The following PPP1R7 variants were observed in gnomAD, a reference collection of about 807,000 sequenced individuals.
PPP1R7 encodes protein phosphatase 1 regulatory subunit 7, also known as protein phosphatase 1 regulatory subunit 22.
PPP1R7 carries 18 observed loss-of-function variants against 45.2 expected under a neutral mutation model. The observed-to-expected ratio is 0.40, with a 90% CI of 0.28 to 0.59. PPP1R7 has a LOEUF of 0.59. PPP1R7 is among the 20% of genes least tolerant of loss of function. The pLI, the probability that PPP1R7 is intolerant of heterozygous loss-of-function variation, is 0.46. For missense variants in PPP1R7, 314 were observed against 455.8 expected, an observed-to-expected ratio of 0.69 and a Z score of 2.83; for synonymous variants, 181 against 183.4, an observed-to-expected ratio of 0.99 and a Z score of 0.11.
intron 1 of PPP1R7, among the ~76,000 whole-genome samples, chr2:241,151,176 A>G (rs1452883864): frequency 6.6e-6 from 1 of 152,266 alleles, no homozygotes; most frequent in Admixed American, 6.5e-5. Context: ...AATTTTCTGC[A>G]TATCTGTAGG....
At chr2:241,179,681 A>T (rs920645404) in intron 9 of PPP1R7, among the ~76,000 whole-genome samples, 3 of 152,230 alleles carry the variant, frequency 2.0e-5, no homozygotes, top group African/African-American at 7.2e-5. Flanking sequence ...GCAGAACTTG[A>T]TAAGAGAAAC....
intron 2 of PPP1R7, among the ~76,000 whole-genome samples, chr2:241,157,015 C>CTGAA (rs2067475022): frequency 6.6e-6 from 1 of 152,032 alleles, no homozygotes; most frequent in South Asian, 2.1e-4. Context: ...AGCACACATG[C>CTGAA]TGAAGTAGGT....
At chr2:241,156,208 C>G (rs767470301) in intron 2 of PPP1R7, among the ~76,000 whole-genome samples, 1 of 152,150 alleles carries the variant, frequency 6.6e-6, no homozygotes, top group Admixed American at 6.5e-5. Context: ...TAGGAAGAGC[C>G]ACAGTAACAG....
intron 9 of PPP1R7, among the ~76,000 whole-genome samples, chr2:241,178,128 G>C (rs1478296378): frequency 6.6e-6 from 1 of 152,200 alleles, no homozygotes; most frequent in Non-Finnish European, 1.5e-5. Context: ...AAGGAGCGGG[G>C]GGCACAGGTA....
At chr2:241,154,426 G>A (rs1001673911) in intron 2 of PPP1R7, among the ~76,000 whole-genome samples, 8 of 152,056 alleles carry the variant, frequency 5.3e-5, no homozygotes, top group Admixed American at 1.3e-4. Context: ...AATGGCTTAC[G>A]CCTGTAATCC....
At chr2:241,178,124 CG>C (rs373587276) in intron 9 of PPP1R7, among the ~76,000 whole-genome samples, 56 of 152,308 alleles carry the variant, frequency 3.7e-4, no homozygotes, top group African/African-American at 1.3e-3. Flanking sequence ...CTGCAAGGAG[CG>C]GGGGGCACAG....
In PPP1R7 at chr2:241,163,443, A is replaced by T. The variant is rs752404003; in HGVS notation, c.714+42A>T. 6 of 1,398,738 alleles carry T rather than the reference A, an allele frequency of 4.3e-6. No homozygotes were observed. The South Asian group carries it at 7.0e-5, about 16-fold the overall frequency. The allele number at this position is 1,398,738 out of a possible 1,614,324, so 86.6% of individuals were successfully genotyped here. A position where few individuals can be genotyped will look rare whatever the true frequency, so the allele number is the denominator to read the frequency against. On this transcript the variant is annotated intron_variant, in intron 7 of 9. Transcript: ENST00000234038. ...GCCGCCCTTCCCTGCGAGCCCTGGC[A>T]GGGCCAGCGCTGCTGGACACAATCT... is the stretch of plus-strand genomic sequence containing the variant.
At chr2:241,158,631 T>C in intron 4 of PPP1R7, 82 bp downstream of exon 4, 3 of 1,389,386 alleles carry the variant, frequency 2.2e-6, no homozygotes, top group Non-Finnish European at 2.0e-6. Context: ...CAGTCCTGAG[T>C]TGTGGTCCTT....
chr2:241,169,596 G>C (rs1190983668), intron 8 of PPP1R7, among the ~76,000 whole-genome samples, 185 bp from the exon 9 acceptor site: 1 of 152,046 alleles, frequency 6.6e-6, no homozygotes, highest in Non-Finnish European at 1.5e-5. Flanking sequence ...TGGAAACACT[G>C]TCCCAGGGAG....
chr2:241,178,433 A>G (rs1377862145), intron 9 of PPP1R7, among the ~76,000 whole-genome samples: 1 of 149,382 alleles, frequency 6.7e-6, no homozygotes, highest in African/African-American at 2.5e-5. Flanking sequence ...TGTTGCAGAT[A>G]CTTTACTTTG....
At chr2:241,181,442 G>A (rs975592727) in intron 9 of PPP1R7, among the ~76,000 whole-genome samples, 3 of 152,060 alleles carry the variant, frequency 2.0e-5, no homozygotes, top group Non-Finnish European at 2.9e-5. Flanking sequence ...CGCGAGCCCC[G>A]TGATCACCCC....
chr2:241,158,011 C>A, intron 3 of PPP1R7, 149 bp downstream of exon 3: 1 of 776,112 alleles, frequency 1.3e-6, no homozygotes, highest in South Asian at 1.7e-5. Context: ...TTTTTCTTAC[C>A]AGTGATTGTT....
chr2:241,165,064 G>A (rs1420665092), intron 7 of PPP1R7, among the ~76,000 whole-genome samples: 1 of 152,002 alleles, frequency 6.6e-6, no homozygotes, highest in Non-Finnish European at 1.5e-5. Flanking sequence ...AAGAAAGAAA[G>A]AAATTATAAT....
intron 7 of PPP1R7, among the ~76,000 whole-genome samples, chr2:241,164,411 T>TTGGTAA (rs2067662825): frequency 6.6e-6 from 1 of 152,224 alleles, no homozygotes; most frequent in Non-Finnish European, 1.5e-5. Context: ...CACTTGGGTG[T>TTGGTAA]GCCTAGGCTC....
At position 241,183,044 on chromosome 2, in the gene PPP1R7, A is replaced by C; in HGVS notation, c.*221A>C. On this transcript the variant is annotated 3_prime_UTR_variant, in exon 10 of 10. Transcript: ENST00000234038. ...ACTGTCCTCCTGGGTGATTGTTGACAGTTATTGTAGCCACAGAGAGAACAT... is the reference window on the plus strand; with the variant it reads ...ACTGTCCTCCTGGGTGATTGTTGACCGTTATTGTAGCCACAGAGAGAACAT... 1.7e-6 allele frequency: 1 copy of C among 583,590 alleles called. No individual in the cohort carries two copies. Among genetic ancestry groups the C allele is most frequent in the East Asian group, 2.9e-5 (1 of 34,644 alleles). 36.2% of individuals were successfully genotyped at this position (583,590 alleles called of 1,614,324 possible).
upstream of PPP1R7, chr2:241,150,383 C>A: frequency 8.4e-7 from 1 of 1,192,804 alleles, no homozygotes. Flanking sequence ...AGGCGCGGCG[C>A]GGCTGAAGTC....
chr2:241,168,182 T>G (rs887305338), intron 8 of PPP1R7, among the ~76,000 whole-genome samples: 13 of 152,188 alleles, frequency 8.5e-5, no homozygotes, highest in African/African-American at 3.1e-4. Flanking sequence ...TGGATGAGTT[T>G]TCACAACATT....
chr2:241,159,824 A>C (rs2067544774), intron 5 of PPP1R7, among the ~76,000 whole-genome samples: 1 of 152,290 alleles, frequency 6.6e-6, no homozygotes, highest in South Asian at 2.1e-4. Context: ...TGAGCCTAGA[A>C]GTTCGAGATA....
chr2:241,165,174 G>GT (rs2067678119), intron 7 of PPP1R7, among the ~76,000 whole-genome samples: 6 of 151,412 alleles, frequency 4.0e-5, no homozygotes, highest in African/African-American at 1.5e-4. Flanking sequence ...TCTTTTTTTT[G>GT]GTTTTTTTTT....
Sources: gnomAD v4.1 joint callset for allele counts (sites outside exome capture counted in the v4.1 genomes callset) on GRCh38, gnomAD v4.1.1 for gene constraint, MANE v1.5 for transcripts, NCBI Gene and HGNC (gene_info 2026-07-23, HGNC 2026-07-21) for gene names.